TENM2: variants seen among roughly 807,000 people sequenced by gnomAD.
The protein encoded by TENM2 is teneurin transmembrane protein 2.
In TENM2, 52 loss-of-function variants were observed where a neutral mutation model predicts 245.2. The observed-to-expected ratio is 0.21, with a 90% CI of 0.17 to 0.27. TENM2 has a LOEUF of 0.27. TENM2 is among the 10% of genes least tolerant of loss of function. The probability of loss-of-function intolerance (pLI) is 1.00; values close to 1 mark genes in which losing one functional copy is unlikely to be tolerated. For synonymous variants in TENM2, 1,363 were observed against 1,438.9 expected (o/e 0.95, Z 1.19); for missense variants, 3,046 against 3,666.8 (o/e 0.83, Z 4.37).
At chr5:167,074,099 A>G in the TENM2 span, among the ~76,000 whole-genome samples, 2 of 152,230 alleles carry the variant, frequency 1.3e-5, no homozygotes, top group Non-Finnish European at 2.9e-5. Context: ...TATAAGGACC[A>G]TTAATGCACT....
chr5:167,791,763 C>G (rs1325605751), intron 2 of TENM2, among the ~76,000 whole-genome samples: 3 of 151,846 alleles, frequency 2.0e-5, no homozygotes, highest in African/African-American at 7.3e-5. Flanking sequence ...AATGAGTGAG[C>G]TAGAATTAAA....
Position 167,952,704 on chromosome 5 carries a change from A to G in TENM2, c.829A>G (p.Asn277Asp), listed in dbSNP as rs1436837143. Residue 277 changes from asparagine to aspartate, a missense_variant, in exon 4 of 29, where the codon AAT (asparagine) becomes GAT (aspartate). Asn to Asp is a conservative substitution (Grantham distance 23). Transcript: ENST00000518659. ...CTCCCTCAACAGGAACTCACTGACCAATCGGCGGAGTCAGATCCACGCCCC... is the reference window on the plus strand; with the variant it reads ...CTCCCTCAACAGGAACTCACTGACCGATCGGCGGAGTCAGATCCACGCCCC... 2 of 1,611,110 alleles carry G rather than the reference A, an allele frequency of 1.2e-6. No homozygotes were observed. The highest frequency in any genetic ancestry group is 1.7e-6 in the Non-Finnish European group (2 of 1,178,958).
the TENM2 span, among the ~76,000 whole-genome samples, chr5:167,268,936 A>AT: frequency 2.1e-3 from 310 of 149,542 alleles, 1 homozygote; most frequent in African/African-American, 6.6e-3. Context: ...ATAGACAGAC[A>AT]TTTTTTTTTT....
intron 3 of TENM2, among the ~76,000 whole-genome samples, chr5:167,885,141 T>C (rs1475673788): frequency 3.3e-5 from 5 of 152,240 alleles, no homozygotes; most frequent in Non-Finnish European, 7.3e-5. Context: ...TTATATATTC[T>C]GGATACCAAT....
intron 7 of TENM2, among the ~76,000 whole-genome samples, chr5:168,089,119 G>A (rs1792707368): frequency 6.6e-6 from 1 of 152,116 alleles, no homozygotes; most frequent in South Asian, 2.1e-4. Context: ...CGATTTTCTT[G>A]TCAACAAGTA....
chr5:167,734,962 A>C (rs1194540550), intron 2 of TENM2, among the ~76,000 whole-genome samples: 2 of 152,208 alleles, frequency 1.3e-5, no homozygotes, highest in Non-Finnish European at 2.9e-5. Flanking sequence ...TGAAAATGCC[A>C]GTCAAACAGG....
the TENM2 span, among the ~76,000 whole-genome samples, chr5:167,179,684 T>C: frequency 6.6e-6 from 1 of 152,138 alleles, no homozygotes. Context: ...TCTTCATGGC[T>C]GGTGGGGCCA....
chr5:167,907,258 A>AATAAC (rs1002450276), intron 3 of TENM2, among the ~76,000 whole-genome samples: 6 of 151,412 alleles, frequency 4.0e-5, no homozygotes, highest in African/African-American at 9.7e-5. Context: ...TAAATAAATA[A>AATAAC]ATAACATAAA....
chr5:167,260,029 C>T, the TENM2 span, among the ~76,000 whole-genome samples: 89 of 152,226 alleles, frequency 5.8e-4, 1 homozygote, highest in South Asian at 8.3e-4. Context: ...TGCCAAGACA[C>T]GCCAAGTCAT....
intron 13 of TENM2, among the ~76,000 whole-genome samples, chr5:168,183,205 GT>G (rs1760085266): frequency 1.3e-5 from 2 of 152,102 alleles, no homozygotes; most frequent in Non-Finnish European, 2.9e-5. Flanking sequence ...GCCCCAAATT[GT>G]TTTGGCATTT....
At chr5:167,697,651 A>G (rs1054721083) in intron 2 of TENM2, among the ~76,000 whole-genome samples, 1 of 151,882 alleles carries the variant, frequency 6.6e-6, no homozygotes, top group Admixed American at 6.6e-5. Flanking sequence ...CAGCCTCCCT[A>G]CTAGCTGGGA....
chr5:167,384,428 A>G (rs2127345513), intron 2 of TENM2, among the ~76,000 whole-genome samples: 1 of 152,210 alleles, frequency 6.6e-6, no homozygotes, highest in African/African-American at 2.4e-5. Flanking sequence ...TGAGGTGAAG[A>G]TGATGATGAT....
At chr5:167,740,607 C>G (rs1384318438) in intron 2 of TENM2, among the ~76,000 whole-genome samples, 1 of 152,136 alleles carries the variant, frequency 6.6e-6, no homozygotes, top group African/African-American at 2.4e-5. Context: ...ATCCCGCGTG[C>G]TACCTGATTC....
At chr5:168,102,219 A>G (rs56687854) in intron 9 of TENM2, among the ~76,000 whole-genome samples, 3,566 of 152,050 alleles carry the variant, frequency 0.023, 122 homozygotes, top group African/African-American at 0.079. Context: ...GATTACAGGC[A>G]TGTGCCACCA....
At chr5:167,599,771 T>G (rs1776479424) in intron 2 of TENM2, among the ~76,000 whole-genome samples, 1 of 152,080 alleles carries the variant, frequency 6.6e-6, no homozygotes, top group Non-Finnish European at 1.5e-5. Context: ...GTTCACTGCT[T>G]TTTGATTAGT....
At chr5:167,421,301 A>G (rs1763492622) in intron 2 of TENM2, among the ~76,000 whole-genome samples, 1 of 152,204 alleles carries the variant, frequency 6.6e-6, no homozygotes, top group African/African-American at 2.4e-5. Context: ...GTTGTTTTGC[A>G]AAGCATTGTT....
chr5:167,494,350 G>C (rs1768645711), intron 2 of TENM2, among the ~76,000 whole-genome samples: 1 of 152,154 alleles, frequency 6.6e-6, no homozygotes, highest in Non-Finnish European at 1.5e-5. Flanking sequence ...AAAATTTCTA[G>C]CTTGAGGACA....
At chr5:167,321,672 T>C (rs570861612) in intron 1 of TENM2, among the ~76,000 whole-genome samples, 34 of 152,240 alleles carry the variant, frequency 2.2e-4, no homozygotes, top group African/African-American at 7.7e-4. Context: ...CTTTGTGTTA[T>C]GCTTTCTCTG....
intron 2 of TENM2, among the ~76,000 whole-genome samples, chr5:167,415,132 T>G (rs1763099001): frequency 6.6e-6 from 1 of 152,076 alleles, no homozygotes; most frequent in South Asian, 2.1e-4. Context: ...AAAGCAAATC[T>G]AGGTGCAAAG....
Sources: allele counts gnomAD v4.1 joint callset (sites outside exome capture counted in the v4.1 genomes callset), GRCh38; gene constraint gnomAD v4.1.1; transcripts MANE v1.5; gene names NCBI Gene and HGNC (gene_info 2026-07-23, HGNC 2026-07-21).